TCF4: variants seen among roughly 807,000 people sequenced by gnomAD.
TCF4 encodes the protein transcription factor 4.
A neutral mutation model predicts 82.1 loss-of-function variants in TCF4; 3 were observed. The ratio of observed to expected loss-of-function variants is 0.04; its 90% CI spans 0.02 to 0.09. TCF4 has a LOEUF of 0.09. TCF4 is among the 10% of genes least tolerant of loss of function. The pLI is 1.00. For missense variants in TCF4, 518 were observed against 852.7 expected, an observed-to-expected ratio of 0.61 and a Z score of 4.89; for synonymous variants, 276 against 309.6, an observed-to-expected ratio of 0.89 and a Z score of 1.14.
At chr18:55,322,796 G>T (rs546024149) in intron 8 of TCF4, among the ~76,000 whole-genome samples, 193 of 152,328 alleles carry the variant, frequency 1.3e-3, no homozygotes, top group African/African-American at 4.2e-3. Flanking sequence ...CTATTTGCTG[G>T]GCTCTAAAGC....
chr18:55,585,904 C>A, intron 2 of TCF4: 1 of 1,234,618 alleles, frequency 8.1e-7, no homozygotes, highest in Non-Finnish European at 1.0e-6. Context: ...CACTCCCTCT[C>A]TCTCCAGCAT....
chr18:55,320,234 C>T (rs908753420), intron 8 of TCF4, among the ~76,000 whole-genome samples: 9 of 151,144 alleles, frequency 6.0e-5, no homozygotes, highest in African/African-American at 2.2e-4. Flanking sequence ...TTTATGTTTA[C>T]AGATTTAAAC....
chr18:55,516,532 G>C (rs1401784399), intron 3 of TCF4, among the ~76,000 whole-genome samples: 1 of 152,144 alleles, frequency 6.6e-6, no homozygotes, highest in African/African-American at 2.4e-5. Flanking sequence ...GAGCAGGATG[G>C]AGAGTGATCC....
intron 8 of TCF4, among the ~76,000 whole-genome samples, chr18:55,319,480 A>G (rs1363644597): frequency 6.6e-6 from 1 of 152,204 alleles, no homozygotes; most frequent in Non-Finnish European, 1.5e-5. Context: ...AGCCATCCGC[A>G]GTTTCAAAAG....
intron 3 of TCF4, among the ~76,000 whole-genome samples, chr18:55,475,792 A>G (rs1469736539): frequency 6.6e-6 from 1 of 152,172 alleles, no homozygotes; most frequent in Admixed American, 6.5e-5. Flanking sequence ...AATATTCTTC[A>G]ATCGTTGATC....
chr18:55,587,197 A>G (rs1400483583), intron 1 of TCF4, 61 bp from the exon 2 acceptor site: 3 of 821,226 alleles, frequency 3.7e-6, no homozygotes, highest in Non-Finnish European at 4.9e-6. Flanking sequence ...AGAAAACACA[A>G]TCGGATTTTT....
intron 3 of TCF4, among the ~76,000 whole-genome samples, chr18:55,512,850 T>C (rs943361774): frequency 1.3e-5 from 2 of 152,150 alleles, no homozygotes; most frequent in Admixed American, 6.6e-5. Context: ...AAGATCAACC[T>C]TGAAAGAAAT....
intron 2 of TCF4, among the ~76,000 whole-genome samples, chr18:55,614,368 A>G (rs2097709890): frequency 6.6e-6 from 1 of 152,212 alleles, no homozygotes; most frequent in Non-Finnish European, 1.5e-5. Flanking sequence ...ACCATTTTAA[A>G]TTCCCACTGG....
intron 8 of TCF4, among the ~76,000 whole-genome samples, chr18:55,348,924 C>T (rs896894127): frequency 3.9e-5 from 6 of 152,040 alleles, no homozygotes; most frequent in African/African-American, 1.4e-4. Flanking sequence ...AAAATGTAAA[C>T]AGCTGTTAGG....
intron 10 of TCF4, among the ~76,000 whole-genome samples, chr18:55,270,724 T>C (rs1212875631): frequency 2.6e-5 from 4 of 152,150 alleles, no homozygotes; most frequent in South Asian, 2.1e-4. Context: ...GTTTTCCAAA[T>C]AAGCTGTGTT....
intron 5 of TCF4, among the ~76,000 whole-genome samples, chr18:55,449,482 G>A (rs542499510): frequency 1.3e-5 from 2 of 152,296 alleles, no homozygotes; most frequent in African/African-American, 4.8e-5. Flanking sequence ...AGGAGACAGG[G>A]TCACTAATAA....
chr18:55,353,348 T>C (rs2082706313), intron 6 of TCF4, among the ~76,000 whole-genome samples: 1 of 152,202 alleles, frequency 6.6e-6, no homozygotes, highest in Non-Finnish European at 1.5e-5. Context: ...AACTCTTACA[T>C]ATGCAGGCGC....
intron 8 of TCF4, among the ~76,000 whole-genome samples, chr18:55,294,960 T>C (rs1422870775): frequency 6.6e-6 from 1 of 152,136 alleles, no homozygotes; most frequent in Non-Finnish European, 1.5e-5. Context: ...CTCCCAAAAT[T>C]CGGAAACATA....
intron 3 of TCF4, among the ~76,000 whole-genome samples, chr18:55,510,241 G>A (rs899207353): frequency 7.9e-5 from 12 of 152,134 alleles, no homozygotes; most frequent in Non-Finnish European, 1.8e-4. Context: ...GACTGACTGA[G>A]TCACAGCAGA....
intron 6 of TCF4, among the ~76,000 whole-genome samples, chr18:55,360,727 C>T (rs1188411454): frequency 2.5e-4 from 16 of 62,800 alleles, no homozygotes; most frequent in Admixed American, 2.5e-3. Flanking sequence ...GCCCGCCCCC[C>T]ACCCTTTTTT....
intron 5 of TCF4, among the ~76,000 whole-genome samples, chr18:55,405,316 T>C (rs2094031894): frequency 6.6e-6 from 1 of 152,170 alleles, no homozygotes; most frequent in African/African-American, 2.4e-5. Flanking sequence ...AATATTCACT[T>C]GTTTAACAGG....
chr18:55,592,855 G>C (rs1459026340), upstream of TCF4, among the ~76,000 whole-genome samples: 1 of 152,124 alleles, frequency 6.6e-6, no homozygotes, highest in Non-Finnish European at 1.5e-5. Flanking sequence ...AGAGAGAACG[G>C]TCTTGGGAGT....
intron 11 of TCF4, chr18:55,268,029 G>C (rs2059575891): frequency 6.6e-6 from 1 of 152,142 alleles, no homozygotes; most frequent in Non-Finnish European, 1.5e-5. Context: ...CCCACTGAGA[G>C]CTGTGGCTAA....
At chr18:55,592,027 A>G (rs1451330232), upstream of TCF4, among the ~76,000 whole-genome samples, 1 of 152,112 alleles carries the variant, frequency 6.6e-6, no homozygotes, top group African/African-American at 2.4e-5. Flanking sequence ...TTTTTCCTTA[A>G]TTATCAGAGA....
Sources: allele counts gnomAD v4.1 joint callset (sites outside exome capture counted in the v4.1 genomes callset), GRCh38; gene constraint gnomAD v4.1.1; transcripts MANE v1.5; gene names NCBI Gene and HGNC (gene_info 2026-07-23, HGNC 2026-07-21).